Variants in NALF1 observed in about 807,000 individuals in gnomAD.
NALF1 encodes the protein family with sequence similarity 155 member A.
A neutral mutation model predicts 48.4 loss-of-function variants in NALF1; 3 were observed. The observed-to-expected ratio is 0.06, with a 90% CI of 0.03 to 0.16. The LOEUF (loss-of-function observed/expected upper bound fraction) is 0.16, where lower values mean the gene tolerates loss of function less well. Ranked by LOEUF, NALF1 falls within the 10% of genes least tolerant of loss-of-function variation. The probability of loss-of-function intolerance (pLI) is 1.00; values close to 1 mark genes in which losing one functional copy is unlikely to be tolerated. For missense variants in NALF1, 526 were observed against 571.5 expected, an observed-to-expected ratio of 0.92 and a Z score of 0.81; for synonymous variants, 262 against 245.7, an observed-to-expected ratio of 1.07 and a Z score of -0.62.
chr13:107,336,879 G>A (rs1882567844), intron 1 of NALF1, among the ~76,000 whole-genome samples: 1 of 151,930 alleles, frequency 6.6e-6, no homozygotes, highest in Non-Finnish European at 1.5e-5. Context: ...ATCTTTTGAA[G>A]TGGCTGTTTC....
At chr13:107,309,312 A>G (rs531352078) in intron 1 of NALF1, among the ~76,000 whole-genome samples, 1 of 152,332 alleles carries the variant, frequency 6.6e-6, no homozygotes, top group African/African-American at 2.4e-5. Flanking sequence ...GATGTCATTC[A>G]TCTCTTCTGA....
chr13:107,771,750 C>A (rs1386711381), intron 1 of NALF1, among the ~76,000 whole-genome samples: 8 of 151,956 alleles, frequency 5.3e-5, no homozygotes, highest in Admixed American at 5.2e-4. Context: ...CATTTCTTTT[C>A]TTTTTTTGAC....
chr13:107,343,058 C>G (rs1361446220), intron 1 of NALF1, among the ~76,000 whole-genome samples: 1 of 152,126 alleles, frequency 6.6e-6, no homozygotes, highest in Non-Finnish European at 1.5e-5. Context: ...CACTCTACCC[C>G]ATAAAAGCAA....
intron 1 of NALF1, among the ~76,000 whole-genome samples, chr13:107,593,005 T>C (rs893277459): frequency 7.2e-5 from 11 of 151,902 alleles, no homozygotes; most frequent in Admixed American, 5.3e-4. Context: ...TATTTTTAGT[T>C]AACGCTGTTG....
At position 107,512,668 on chromosome 13, in the gene NALF1, G is replaced by A. The variant is rs954759671; in HGVS notation, c.916-301913C>T. On this transcript the variant is annotated intron_variant, in intron 1 of 2. Coordinates refer to ENST00000375915, the MANE Select transcript of NALF1 (RefSeq NM_001080396.3). ...CAGTTCTGCAGTCATATTTAGTTCC[G>A]CAGATTGAGGGGCAGTTTTTGCCGA... is the stretch of plus-strand genomic sequence containing the variant. Among the ~76,000 whole-genome samples, 5 of 152,110 alleles carry A rather than the reference G, an allele frequency of 3.3e-5. No individual in the cohort carries two copies. In the East Asian group the frequency reaches 5.8e-4, roughly 18 times the overall value.
chr13:107,531,980 A>G (rs1415421479), intron 1 of NALF1, among the ~76,000 whole-genome samples: 1 of 152,158 alleles, frequency 6.6e-6, no homozygotes, highest in Non-Finnish European at 1.5e-5. Context: ...TCAAGTTCAT[A>G]ACGCAGCTGA....
At chr13:107,622,258 G>A (rs908826765) in intron 1 of NALF1, among the ~76,000 whole-genome samples, 6 of 151,600 alleles carry the variant, frequency 4.0e-5, no homozygotes, top group East Asian at 1.9e-4. Context: ...GAGAAACCCC[G>A]TCTCTACTAA....
chr13:107,509,196 C>T (rs1295247334), intron 1 of NALF1, among the ~76,000 whole-genome samples: 1 of 152,062 alleles, frequency 6.6e-6, no homozygotes, highest in Non-Finnish European at 1.5e-5. Flanking sequence ...AGTATATTTA[C>T]ATATTACATA....
chr13:107,692,306 A>G (rs1881586262), intron 1 of NALF1, among the ~76,000 whole-genome samples: 3 of 152,304 alleles, frequency 2.0e-5, no homozygotes, highest in South Asian at 4.1e-4. Flanking sequence ...GAATACCTGA[A>G]TTTAGTACAT....
intron 1 of NALF1, among the ~76,000 whole-genome samples, chr13:107,820,768 C>G (rs1236890922): frequency 6.6e-6 from 1 of 152,146 alleles, no homozygotes; most frequent in Non-Finnish European, 1.5e-5. Flanking sequence ...TTTTCCAGTT[C>G]TAGTCTGTGG....
At chr13:107,241,604 T>C (rs981306631) in intron 1 of NALF1, among the ~76,000 whole-genome samples, 1 of 152,174 alleles carries the variant, frequency 6.6e-6, no homozygotes, top group Admixed American at 6.5e-5. Context: ...CTTCAGTTGC[T>C]GTGAGGATTT....
intron 1 of NALF1, among the ~76,000 whole-genome samples, chr13:107,517,144 A>C (rs1409558888): frequency 6.6e-6 from 1 of 152,166 alleles, no homozygotes; most frequent in Non-Finnish European, 1.5e-5. Flanking sequence ...CTGATATTTT[A>C]TGATATTTAG....
At chr13:107,806,059 G>C (rs1878777078) in intron 1 of NALF1, among the ~76,000 whole-genome samples, 1 of 152,154 alleles carries the variant, frequency 6.6e-6, no homozygotes, top group Non-Finnish European at 1.5e-5. Flanking sequence ...CATCCCTTTT[G>C]TAACAGTTTC....
At chr13:107,205,706 C>CT (rs771602987) in intron 2 of NALF1, among the ~76,000 whole-genome samples, 1 of 152,182 alleles carries the variant, frequency 6.6e-6, no homozygotes, top group African/African-American at 2.4e-5. Context: ...AGCAGACCAA[C>CT]TTTTACTTTT....
intron 1 of NALF1, among the ~76,000 whole-genome samples, chr13:107,350,917 TAGG>T (rs2138944923): frequency 6.6e-6 from 1 of 152,298 alleles, no homozygotes; most frequent in South Asian, 2.1e-4. Context: ...AGAATCACAC[TAGG>T]AGACCACTGG....
intron 2 of NALF1, among the ~76,000 whole-genome samples, chr13:107,189,862 G>A (rs547118416): frequency 5.9e-5 from 9 of 152,266 alleles, no homozygotes; most frequent in South Asian, 2.1e-4. Context: ...ATGAATTTAC[G>A]TTACAGGAGG....
At chr13:107,855,976 C>T (rs895045126) in intron 1 of NALF1, among the ~76,000 whole-genome samples, 1 of 150,820 alleles carries the variant, frequency 6.6e-6, no homozygotes, top group African/African-American at 2.4e-5. Context: ...GGCACGAATA[C>T]TGCTCATTGG....
chr13:107,231,058 C>CAAAAAAAAAA (rs3072074), intron 1 of NALF1, among the ~76,000 whole-genome samples: 1 of 83,586 alleles, frequency 1.2e-5, no homozygotes. Flanking sequence ...AAGACCCGGC[C>CAAAAAAAAAA]AAAAAAAAAA....
chr13:107,181,752 G>A (rs1879067322), intron 2 of NALF1, among the ~76,000 whole-genome samples: 1 of 150,480 alleles, frequency 6.6e-6, no homozygotes. Flanking sequence ...TAAATATTTT[G>A]TTATTATGTC....
Sources: allele counts gnomAD v4.1 joint callset (sites outside exome capture counted in the v4.1 genomes callset), GRCh38; gene constraint gnomAD v4.1.1; transcripts MANE v1.5; gene names NCBI Gene and HGNC (gene_info 2026-07-23, HGNC 2026-07-21).